The following RBFOX1 variants were observed in gnomAD, a reference collection of about 807,000 sequenced individuals.
RBFOX1 encodes the protein RNA binding protein fox-1 homolog 1.
A neutral mutation model predicts 57.7 loss-of-function variants in RBFOX1; 8 were observed. The ratio of observed to expected loss-of-function variants is 0.14; its 90% CI spans 0.08 to 0.25. RBFOX1 has a LOEUF of 0.25. RBFOX1 is among the 10% of genes least tolerant of loss of function. The pLI, the probability that RBFOX1 is intolerant of heterozygous loss-of-function variation, is 1.00. For synonymous variants in RBFOX1, 326 were observed against 222.4 expected (o/e 1.47, Z -4.15); for missense variants, 611 against 548.5 (o/e 1.11, Z -1.14).
intron 1 of RBFOX1, among the ~76,000 whole-genome samples, chr16:5,447,654 C>T (rs976916478): frequency 1.3e-5 from 2 of 152,228 alleles, no homozygotes; most frequent in East Asian, 3.8e-4. Context: ...CCTCAGCCTC[C>T]CAGAGTGCTG....
chr16:6,344,699 T>G (rs920637632), intron 2 of RBFOX1, among the ~76,000 whole-genome samples: 7 of 140,004 alleles, frequency 5.0e-5, no homozygotes, highest in African/African-American at 1.9e-4. Context: ...GCCCGGTTTT[T>G]TTTTTTTTTT....
intron 3 of RBFOX1, among the ~76,000 whole-genome samples, chr16:5,822,635 C>T (rs1158289449): frequency 2.0e-5 from 3 of 152,126 alleles, no homozygotes; most frequent in Non-Finnish European, 1.5e-5. Context: ...ATTTAAAATA[C>T]ACAATGCTGC....
intron 4 of RBFOX1, among the ~76,000 whole-genome samples, chr16:7,378,745 C>G (rs1275498093): frequency 1.3e-5 from 2 of 152,204 alleles, no homozygotes; most frequent in Non-Finnish European, 2.9e-5. Context: ...CTGCTTTTCT[C>G]AATGGCTGAT....
chr16:6,576,318 C>G (rs2097435407), intron 2 of RBFOX1, among the ~76,000 whole-genome samples: 1 of 152,168 alleles, frequency 6.6e-6, no homozygotes, highest in Non-Finnish European at 1.5e-5. Context: ...TGCCATTTCC[C>G]CAAACACGCA....
chr16:6,742,664 G>C (rs12103029), intron 3 of RBFOX1, among the ~76,000 whole-genome samples: 2,317 of 152,210 alleles, frequency 0.015, 57 homozygotes, highest in African/African-American at 0.053. Context: ...AAAACTGAAT[G>C]AACTATCGAT....
chr16:5,427,949 C>T (rs968496904), intron 1 of RBFOX1, among the ~76,000 whole-genome samples: 10 of 152,216 alleles, frequency 6.6e-5, no homozygotes, highest in African/African-American at 1.9e-4. Flanking sequence ...AGAGTCAGCA[C>T]CCGCTGGAAA....
At chr16:7,064,510 C>T (rs761444118) in intron 4 of RBFOX1, among the ~76,000 whole-genome samples, 5 of 152,082 alleles carry the variant, frequency 3.3e-5, no homozygotes, top group East Asian at 1.9e-4. Context: ...GACATAGACA[C>T]GCACAAAGGG....
chr16:5,504,345 T>G (rs920668179), intron 2 of RBFOX1, among the ~76,000 whole-genome samples: 1 of 152,214 alleles, frequency 6.6e-6, no homozygotes, highest in East Asian at 1.9e-4. Context: ...CGGACTTGGC[T>G]CTGCAACGCT....
intron 3 of RBFOX1, among the ~76,000 whole-genome samples, chr16:6,892,471 A>G (rs1039011375): frequency 3.9e-5 from 6 of 152,118 alleles, no homozygotes; most frequent in Non-Finnish European, 8.8e-5. Context: ...GACGTTTGAG[A>G]CCAGCCTGGC....
intron 2 of RBFOX1, among the ~76,000 whole-genome samples, chr16:6,400,784 A>T (rs1167879639): frequency 6.6e-6 from 1 of 152,088 alleles, no homozygotes; most frequent in Non-Finnish European, 1.5e-5. Context: ...AGTCCCAGCT[A>T]CTCAGGAGGC....
chr16:6,440,660 G>C (rs1420789771), intron 2 of RBFOX1, among the ~76,000 whole-genome samples: 1 of 152,074 alleles, frequency 6.6e-6, no homozygotes, highest in African/African-American at 2.4e-5. Flanking sequence ...AATTAGCTGG[G>C]TGTGGTACTG....
chr16:6,904,698 C>G (rs1025972544), intron 3 of RBFOX1, among the ~76,000 whole-genome samples: 1 of 151,364 alleles, frequency 6.6e-6, no homozygotes, highest in African/African-American at 2.4e-5. Context: ...TGCTTTTTCC[C>G]GTCAGTTTCT....
chr16:7,238,533 T>C (rs996678688), intron 4 of RBFOX1, among the ~76,000 whole-genome samples: 1 of 79,268 alleles, frequency 1.3e-5, no homozygotes, highest in Non-Finnish European at 2.3e-5. Flanking sequence ...AACCTTGGGC[T>C]ACACACGCAC....
intron 3 of RBFOX1, among the ~76,000 whole-genome samples, chr16:6,881,594 A>C (rs2345828): frequency 3.3e-5 from 5 of 152,120 alleles, no homozygotes; most frequent in Non-Finnish European, 7.4e-5. Context: ...ACTGGCTTAC[A>C]GCCCACTCTG....
intron 4 of RBFOX1, among the ~76,000 whole-genome samples, chr16:7,166,348 A>G (rs1006921379): frequency 6.6e-5 from 10 of 152,118 alleles, no homozygotes; most frequent in African/African-American, 2.2e-4. Flanking sequence ...AAATTCCCAA[A>G]TCAGCAAATA....
intron 4 of RBFOX1, among the ~76,000 whole-genome samples, chr16:5,929,264 C>G (rs1408617314): frequency 6.6e-6 from 1 of 152,112 alleles, no homozygotes; most frequent in Non-Finnish European, 1.5e-5. Context: ...ATGCACAGGT[C>G]TCAGCAAGTT....
At position 7,209,582 on chromosome 16, in the gene RBFOX1, C is replaced by G. The variant is rs76001149; in HGVS notation, c.27+157484C>G. On this transcript the variant is annotated intron_variant, in intron 4 of 15. Transcript: ENST00000550418. ...CCTCCTCAAAGAGGCCAACCCTCAC[C>G]TTCTCATCAAAAATGGCTCCTCTTA... 3.6e-4 allele frequency among the ~76,000 whole-genome samples: 55 copies of G among 152,258 alleles called. No homozygotes were observed. The East Asian group carries it at 9.5e-3, about 26-fold the overall frequency.
chr16:7,348,310 T>C (rs1476718418), intron 4 of RBFOX1, among the ~76,000 whole-genome samples: 1 of 152,206 alleles, frequency 6.6e-6, no homozygotes, highest in Non-Finnish European at 1.5e-5. Flanking sequence ...ATAATTCTTA[T>C]CTACTCTCAT....
intron 4 of RBFOX1, among the ~76,000 whole-genome samples, chr16:7,451,155 G>C (rs2098849444): frequency 6.6e-6 from 1 of 152,158 alleles, no homozygotes; most frequent in African/African-American, 2.4e-5. Context: ...CAGCTTTCTG[G>C]GGGATGAGGT....
Sources: allele counts gnomAD v4.1 joint callset (sites outside exome capture counted in the v4.1 genomes callset), GRCh38; gene constraint gnomAD v4.1.1; transcripts MANE v1.5; gene names NCBI Gene and HGNC (gene_info 2026-07-23, HGNC 2026-07-21).